The following FHIT variants were observed in gnomAD, a reference collection of about 807,000 sequenced individuals.
FHIT encodes the protein bis(5'-adenosyl)-triphosphatase.
In FHIT, 19 loss-of-function variants were observed where a neutral mutation model predicts 17.9. The observed-to-expected ratio is 1.06, with a 90% CI of 0.74 to 1.56. FHIT has a LOEUF of 1.56. Ranked by LOEUF, FHIT falls within the 40% of genes most tolerant of loss-of-function variation. FHIT has a pLI of 0.00. For synonymous variants in FHIT, 81 were observed against 69.7 expected, an observed-to-expected ratio of 1.16 and a Z score of -0.81; for missense variants, 248 against 189.2, an observed-to-expected ratio of 1.31 and a Z score of -1.82.
chr3:60,741,648 T>C (rs1357500512), intron 4 of FHIT, among the ~76,000 whole-genome samples: 3 of 152,212 alleles, frequency 2.0e-5, no homozygotes, highest in Non-Finnish European at 2.9e-5. Context: ...TCTGTGACTT[T>C]TGCCTGTGGT....
chr3:60,477,595 C>T (rs1203234315), intron 5 of FHIT, among the ~76,000 whole-genome samples: 1 of 152,104 alleles, frequency 6.6e-6, no homozygotes, highest in East Asian at 1.9e-4. Flanking sequence ...TTAATGTCTG[C>T]ATTTTAGATC....
Position 60,634,715 on chromosome 3 carries a change from A to T in FHIT, c.-17-97736T>A, listed in dbSNP as rs554082582. Among the ~76,000 whole-genome samples, 17 of 152,338 alleles carry T rather than the reference A, an allele frequency of 1.1e-4. No homozygotes were observed. In the South Asian group the frequency reaches 3.3e-3, roughly 30 times the overall value. On this transcript the variant is annotated intron_variant, in intron 4 of 9. Transcript: ENST00000492590. ...GTGATAAATGAGAAAGAGGAGAAGA[A>T]GTTTGGGAGAATACCTCTCTGTGTT...
intron 5 of FHIT, among the ~76,000 whole-genome samples, chr3:60,219,762 G>A (rs1703875031): frequency 1.3e-5 from 2 of 152,076 alleles, no homozygotes; most frequent in South Asian, 4.1e-4. Context: ...AGAAGCTAAT[G>A]AAGTAAAAGC....
chr3:60,211,194 T>C (rs1703436638), intron 5 of FHIT, among the ~76,000 whole-genome samples: 1 of 151,760 alleles, frequency 6.6e-6, no homozygotes, highest in South Asian at 2.1e-4. Context: ...AAGAAAAATG[T>C]ATAGAGTATA....
At chr3:60,930,774 A>G (rs1707909837) in intron 3 of FHIT, among the ~76,000 whole-genome samples, 1 of 152,208 alleles carries the variant, frequency 6.6e-6, no homozygotes, top group Non-Finnish European at 1.5e-5. Flanking sequence ...GTGGGACTGT[A>G]AACTAGTTCA....
At chr3:60,333,486 T>C (rs930850103) in intron 5 of FHIT, among the ~76,000 whole-genome samples, 1 of 152,110 alleles carries the variant, frequency 6.6e-6, no homozygotes, top group Non-Finnish European at 1.5e-5. Flanking sequence ...GTTTTTTTTT[T>C]TGAATTACAA....
intron 3 of FHIT, chr3:60,912,793 T>C (rs375780618): frequency 1.9e-6 from 1 of 514,702 alleles, no homozygotes; most frequent in Non-Finnish European, 3.9e-6. Context: ...TCCTTTGTCT[T>C]ACCATTTCTC....
chr3:60,298,521 T>A (rs1274610618), intron 5 of FHIT, among the ~76,000 whole-genome samples: 1 of 152,306 alleles, frequency 6.6e-6, no homozygotes, highest in Middle Eastern at 3.4e-3. Context: ...TGTTGAATAG[T>A]AGCGGTGAGA....
chr3:60,234,065 G>C (rs1034786554), intron 5 of FHIT, among the ~76,000 whole-genome samples: 1 of 152,148 alleles, frequency 6.6e-6, no homozygotes, highest in South Asian at 2.1e-4. Flanking sequence ...CATGCTCTGA[G>C]ATCATTGGGA....
intron 5 of FHIT, among the ~76,000 whole-genome samples, chr3:60,379,652 GCA>G (rs1288238012): frequency 2.0e-5 from 3 of 152,066 alleles, no homozygotes; most frequent in African/African-American, 7.2e-5. Context: ...AGCCATTAGG[GCA>G]CAGTTTTGTA....
intron 5 of FHIT, among the ~76,000 whole-genome samples, chr3:60,104,496 T>TA (rs1704325499): frequency 6.6e-6 from 1 of 151,326 alleles, no homozygotes; most frequent in Non-Finnish European, 1.5e-5. Context: ...TTTTTTTTTT[T>TA]ACAACAATCA....
chr3:60,161,024 T>C (rs74796105), intron 5 of FHIT, among the ~76,000 whole-genome samples: 1 of 152,194 alleles, frequency 6.6e-6, no homozygotes, highest in African/African-American at 2.4e-5. Flanking sequence ...GTAAAATTCT[T>C]GTAATAGCAA....
At chr3:61,041,214 A>G (rs1000570536) in intron 3 of FHIT, among the ~76,000 whole-genome samples, 12 of 152,016 alleles carry the variant, frequency 7.9e-5, no homozygotes, top group Non-Finnish European at 1.6e-4. Flanking sequence ...CCCTGCCTCT[A>G]CTAAAAATAC....
chr3:61,182,018 T>C lies in FHIT; in HGVS notation c.-164+18599A>G, dbSNP rs117692815. Among the ~76,000 whole-genome samples the C allele has an allele frequency of 8.4e-4, 128 of 152,320 alleles. 3 individuals are homozygous for C. The East Asian group carries it at 0.023, about 27-fold the overall frequency. ...ATAAGCATTTAATGAGAAAGGATCCTGGGGCTACATGCTCCATAGTCATGT... is the reference window on the plus strand; with the variant it reads ...ATAAGCATTTAATGAGAAAGGATCCCGGGGCTACATGCTCCATAGTCATGT... On this transcript the variant is annotated intron_variant, in intron 2 of 9. Coordinates refer to ENST00000492590, the MANE Select transcript of FHIT (RefSeq NM_002012.4).
At chr3:59,826,549 G>A (rs1700985235) in intron 8 of FHIT, among the ~76,000 whole-genome samples, 1 of 152,254 alleles carries the variant, frequency 6.6e-6, no homozygotes, top group East Asian at 1.9e-4. Context: ...GTAAGTATGT[G>A]TAAGGCTTCT....
intron 4 of FHIT, among the ~76,000 whole-genome samples, chr3:60,661,952 T>G (rs1577041467): frequency 1.3e-5 from 2 of 152,218 alleles, no homozygotes; most frequent in East Asian, 3.8e-4. Context: ...TTCTGGATAT[T>G]GGTCCTCTGT....
At chr3:60,453,939 T>C (rs1447830388) in intron 5 of FHIT, among the ~76,000 whole-genome samples, 2 of 152,094 alleles carry the variant, frequency 1.3e-5, no homozygotes, top group Non-Finnish European at 2.9e-5. Flanking sequence ...GAGATAATGC[T>C]GAGTAATGGG....
intron 3 of FHIT, among the ~76,000 whole-genome samples, chr3:60,850,078 C>T (rs1575595917): frequency 6.6e-6 from 1 of 152,030 alleles, no homozygotes; most frequent in Non-Finnish European, 1.5e-5. Context: ...TCCCCATCCC[C>T]TCACAGGCCC....
intron 5 of FHIT, among the ~76,000 whole-genome samples, chr3:60,251,538 A>G (rs1705711254): frequency 6.6e-6 from 1 of 152,196 alleles, no homozygotes; most frequent in Non-Finnish European, 1.5e-5. Flanking sequence ...CCAATTCCAA[A>G]GTTTATATTT....
Sources: gnomAD v4.1 joint callset for allele counts (sites outside exome capture counted in the v4.1 genomes callset) on GRCh38, gnomAD v4.1.1 for gene constraint, MANE v1.5 for transcripts, NCBI Gene and HGNC (gene_info 2026-07-23, HGNC 2026-07-21) for gene names.